Variants in DVL3 observed in about 807,000 individuals in gnomAD.
DVL3 encodes segment polarity protein dishevelled homolog DVL-3.
In DVL3, 27 loss-of-function variants were observed where a neutral mutation model predicts 67.4. The ratio of observed to expected loss-of-function variants is 0.40; its 90% CI spans 0.30 to 0.55. The LOEUF is 0.55. Among genes scored for constraint, DVL3 ranks in the 20% least tolerant of loss-of-function variants. DVL3 has a pLI of 0.46. For synonymous variants in DVL3, 369 were observed against 396.8 expected (o/e 0.93, Z 0.83); for missense variants, 819 against 1,021.5 (o/e 0.80, Z 2.70).
chr3:184,166,442 C>T lies in DVL3; in HGVS notation c.904-4C>T. 1 of 1,614,146 alleles carries T rather than the reference C, an allele frequency of 6.2e-7. No individual in the cohort carries two copies. The highest frequency in any genetic ancestry group is 1.6e-4 in the Middle Eastern group (1 of 6,062). ...TGTTTATCCCACTCCTGGTCCTTTC[C>T]CAGGTAAACGAGATCAACTTTGAGA... On this transcript the variant is annotated splice_region_variant and splice_polypyrimidine_tract_variant and intron_variant, in intron 8 of 14. Transcript: ENST00000313143. This position sits in a 1 kb window ranked among gnomAD's most constrained non-coding sequence, Gnocchi z 6.7.
chr3:184,164,210 A>G lies in DVL3; in HGVS notation c.232-57A>G. On this transcript the variant is annotated intron_variant, in intron 2 of 14. Coordinates refer to ENST00000313143, the MANE Select transcript of DVL3 (RefSeq NM_004423.4). This position sits in a 1 kb window ranked among gnomAD's most constrained non-coding sequence, Gnocchi z 5.3. ...CTTCATGCCTTGCTGGAAGTGAACTATCCCCTTCTCCTTGATGCTCCTGTA... is the reference window on the plus strand; with the variant it reads ...CTTCATGCCTTGCTGGAAGTGAACTGTCCCCTTCTCCTTGATGCTCCTGTA... The G allele has an allele frequency of 6.3e-7, 1 of 1,588,382 alleles. No homozygotes were observed. Among genetic ancestry groups the G allele is most frequent in the South Asian group, 1.1e-5 (1 of 87,964 alleles).
intron 1 of DVL3, chr3:184,157,175 TTGTC>T (rs1227122696): frequency 6.6e-6 from 1 of 152,532 alleles, no homozygotes; most frequent in East Asian, 1.9e-4. Context: ...GTGATAATGA[TTGTC>T]TGCCTTCAGC....
chr3:184,161,674 C>T (rs987498399), intron 1 of DVL3, among the ~76,000 whole-genome samples: 3 of 152,170 alleles, frequency 2.0e-5, no homozygotes, highest in Non-Finnish European at 4.4e-5. Flanking sequence ...CTACATGCTC[C>T]GTGACCACAT....
At position 184,164,391 on chromosome 3, in the gene DVL3, G is replaced by A. The variant is rs370231258; in HGVS notation, c.353+3G>A. The A allele has an allele frequency of 3.7e-6, 6 of 1,613,174 alleles. No individual in the cohort carries two copies. Among genetic ancestry groups the A allele is most frequent in the East Asian group, 2.2e-5 (1 of 44,864 alleles). Reference sequence around the variant, plus strand: ...GACTCCCGACCCCCATCCTTCCAGTGAGTGTGACCTGAGGGTGGGGAGGGC... The same window carrying A: ...GACTCCCGACCCCCATCCTTCCAGTAAGTGTGACCTGAGGGTGGGGAGGGC... On this transcript the variant is annotated splice_donor_region_variant and intron_variant, in intron 3 of 14. Coordinates refer to ENST00000313143, the MANE Select transcript of DVL3 (RefSeq NM_004423.4). This position sits in a 1 kb window ranked among gnomAD's most constrained non-coding sequence, Gnocchi z 5.3.
Position 184,170,504 on chromosome 3 carries a change from C to T in DVL3, c.1900C>T (p.His634Tyr), listed in dbSNP as rs991564454. The T allele has an allele frequency of 1.2e-6, 2 of 1,603,588 alleles. No individual in the cohort carries two copies. Residue 634 changes from histidine to tyrosine, a missense_variant, in exon 15 of 15, where the codon CAC becomes TAC. His to Tyr is a moderately conservative substitution (Grantham distance 83, BLOSUM62 2). Around this residue, in one of 3 missense-constraint regions of DVL3, gnomAD observed 324 missense variants for 331.3 expected, o/e 0.98. Coordinates refer to ENST00000313143, the MANE Select transcript of DVL3 (RefSeq NM_004423.4). This position sits in a 1 kb window ranked among gnomAD's most constrained non-coding sequence, Gnocchi z 6.5. Reference protein sequence around the residue: ...RSGPAASEHSHRSHHSLASSL... With the variant: ...RSGPAASEHSYRSHHSLASSL... The stretch of plus-strand genomic sequence containing the variant: ...AGGGCCGGCGGCCAGCGAGCACAGC[C>T]ACCGCAGCCACCATTCCCTGGCCAG...
intron 1 of DVL3, among the ~76,000 whole-genome samples, chr3:184,156,053 G>T (rs949934014): frequency 2.0e-5 from 3 of 152,058 alleles, no homozygotes; most frequent in Admixed American, 2.0e-4. Context: ...CTGCCGGTGC[G>T]GTCCCCTTAC....
chr3:184,159,688 C>CTG (rs1418000985), intron 1 of DVL3, among the ~76,000 whole-genome samples: 1 of 151,786 alleles, frequency 6.6e-6, no homozygotes, highest in Admixed American at 6.6e-5. Flanking sequence ...ATCCTGACAC[C>CTG]TGTGTAACAC....
chr3:184,159,657 C>T (rs1456247782), intron 1 of DVL3, among the ~76,000 whole-genome samples: 1 of 151,156 alleles, frequency 6.6e-6, no homozygotes, highest in Non-Finnish European at 1.5e-5. Context: ...AGCCACCGTG[C>T]CTGGTATATT....
chr3:184,164,486 C>T lies in DVL3; in HGVS notation c.354-6C>T, dbSNP rs1714494418. ...CCCCCTCCCCCATCAAGTCTCTTCC[C>T]TGCAGCCCTCATGCTGGTGGGGGCA... On this transcript the variant is annotated splice_polypyrimidine_tract_variant and splice_region_variant and intron_variant, in intron 3 of 14. Coordinates refer to ENST00000313143, the MANE Select transcript of DVL3 (RefSeq NM_004423.4). This position sits in a 1 kb window ranked among gnomAD's most constrained non-coding sequence, Gnocchi z 5.3. The T allele has an allele frequency of 2.5e-6, 4 of 1,599,898 alleles. No homozygotes were observed. The highest frequency in any genetic ancestry group is 3.4e-6 in the Non-Finnish European group (4 of 1,173,312).
At position 184,172,624 on chromosome 3, in the gene DVL3, C is replaced by T. The variant is rs1416618364; in HGVS notation, c.*1869C>T. The T allele has an allele frequency of 6.6e-6, 1 of 152,220 alleles. No homozygotes were observed. Among genetic ancestry groups the T allele is most frequent in the African/African-American group, 2.4e-5 (1 of 41,450 alleles). The allele number at this position is 152,220 out of a possible 1,614,324, so 9.4% of individuals were successfully genotyped here. ...TGGCACCTGCCTGTAATCTCAGCTA[C>T]TCAGGAGGCTGAGGCACAAGAATCG... On this transcript the variant is annotated 3_prime_UTR_variant, in exon 15 of 15. Transcript: ENST00000313143.
In DVL3 at chr3:184,167,740, G is replaced by A. The variant is rs753529490; in HGVS notation, c.1330+29G>A. 6.9e-6 allele frequency: 11 copies of A among 1,599,104 alleles called. No homozygotes were observed. In the South Asian group the frequency reaches 8.0e-5, roughly 12 times the overall value. The stretch of plus-strand genomic sequence containing the variant: ...AGAGAGCCCCATGGTGGGATGCAGG[G>A]TGGGTGGGGAGTGATGGGGCAGGGC... On this transcript the variant is annotated intron_variant, in intron 12 of 14. Transcript: ENST00000313143. The surrounding 1 kb of genome is among the most constrained non-coding windows in gnomAD (Gnocchi z 4.6).
At position 184,159,366 on chromosome 3, in the gene DVL3, CT is replaced by C. The variant is rs1274200600; in HGVS notation, c.161+3585del. The stretch of plus-strand genomic sequence containing the variant: ...TGTCATGGCACTCTCTTATTTTATC[CT>C]TTTTTTTTTTTTTTGAGATGGAGCC... On this transcript the variant is annotated intron_variant, in intron 1 of 14. Transcript: ENST00000313143. Among the ~76,000 whole-genome samples the C allele has an allele frequency of 1.6e-3, 143 of 87,776 alleles. 5 individuals are homozygous for C. The highest frequency in any genetic ancestry group is 1.7e-3 in the Admixed American group (16 of 9,532). The allele number at this position is 87,776 out of a possible 152,430, so 57.6% of individuals were successfully genotyped here.
Position 184,166,742 on chromosome 3 carries a change from T to C in DVL3, c.1048+69T>C. The stretch of plus-strand genomic sequence containing the variant: ...CATGAGCACTGTCTCTCCTTTCTTC[T>C]CTCACCCAGAACCCCCATATCTATC... On this transcript the variant is annotated intron_variant, in intron 10 of 14. Transcript: ENST00000313143. The surrounding 1 kb of genome is among the most constrained non-coding windows in gnomAD (Gnocchi z 6.7). The C allele has an allele frequency of 6.2e-7, 1 of 1,612,610 alleles. No homozygotes were observed. The highest frequency in any genetic ancestry group is 8.5e-7 in the Non-Finnish European group (1 of 1,179,198).
chr3:184,155,600 G>C lies in DVL3; in HGVS notation c.-36G>C. ...GAGGCTCGGCCCGGCCGCCCGAGCAGGCCGCGCGCGGGCCGCCGGGCCCGA... is the reference window on the plus strand; with the variant it reads ...GAGGCTCGGCCCGGCCGCCCGAGCACGCCGCGCGCGGGCCGCCGGGCCCGA... On this transcript the variant is annotated 5_prime_UTR_variant, in exon 1 of 15. Coordinates refer to ENST00000313143, the MANE Select transcript of DVL3 (RefSeq NM_004423.4). This position sits in a 1 kb window ranked among gnomAD's most constrained non-coding sequence, Gnocchi z 5.4. The C allele has an allele frequency of 1.6e-6, 2 of 1,224,556 alleles. No homozygotes were observed. Among genetic ancestry groups the C allele is most frequent in the Non-Finnish European group, 2.1e-6 (2 of 971,944 alleles). The allele number at this position is 1,224,556 out of a possible 1,614,324, so 75.9% of individuals were successfully genotyped here. A position where few individuals can be genotyped will look rare whatever the true frequency, so the allele number is the denominator to read the frequency against.
chr3:184,163,815 T>C lies in DVL3; in HGVS notation c.231+89T>C, dbSNP rs1714465554. 8.8e-7 allele frequency: 1 copy of C among 1,139,634 alleles called. No homozygotes were observed. Among genetic ancestry groups the C allele is most frequent in the Admixed American group, 1.9e-5 (1 of 53,336 alleles). The allele number at this position is 1,139,634 out of a possible 1,614,324, so 70.6% of individuals were successfully genotyped here. ...TCACTGAGATTGTAGCTGGTGGTTT[T>C]AAGCTTCAGTATCTGAATCTTTCTT... On this transcript the variant is annotated intron_variant, in intron 2 of 14. Transcript: ENST00000313143. The surrounding 1 kb of genome is among the most constrained non-coding windows in gnomAD (Gnocchi z 4.5).
chr3:184,158,380 T>G (rs1461702491), intron 1 of DVL3, among the ~76,000 whole-genome samples: 2 of 151,856 alleles, frequency 1.3e-5, no homozygotes, highest in East Asian at 3.9e-4. Context: ...TTAAGTAACT[T>G]GCCTAAGGTC....
Position 184,172,804 on chromosome 3 carries a change from C to T in DVL3, c.*2049C>T, listed in dbSNP as rs1381843945. 2.6e-5 allele frequency: 4 copies of T among 152,240 alleles called. No homozygotes were observed. Among genetic ancestry groups the T allele is most frequent in the Non-Finnish European group, 5.9e-5 (4 of 68,064 alleles). 9.4% of individuals were successfully genotyped at this position (152,240 alleles called of 1,614,324 possible). A position where few individuals can be genotyped will look rare whatever the true frequency, so the allele number is the denominator to read the frequency against. Reference sequence around the variant, plus strand: ...AGAGGGCTTTGTTGGAAGTGTGACTCAATCTTGCCTGCCTTCTGGGAGCTC... The same window carrying T: ...AGAGGGCTTTGTTGGAAGTGTGACTTAATCTTGCCTGCCTTCTGGGAGCTC... On this transcript the variant is annotated 3_prime_UTR_variant, in exon 15 of 15. Transcript: ENST00000313143.
Position 184,171,041 on chromosome 3 carries a change from C to A in DVL3, c.*286C>A. 7.4e-7 allele frequency: 1 copy of A among 1,358,112 alleles called. No homozygotes were observed. Among genetic ancestry groups the A allele is most frequent in the Non-Finnish European group, 9.6e-7 (1 of 1,044,780 alleles). The allele number at this position is 1,358,112 out of a possible 1,614,324, so 84.1% of individuals were successfully genotyped here. ...GTCTCTGGGACCAGACTTGTTGGTG[C>A]TACCCCTTACTCCCCTCTGCAACCC... On this transcript the variant is annotated 3_prime_UTR_variant, in exon 15 of 15. Coordinates refer to ENST00000313143, the MANE Select transcript of DVL3 (RefSeq NM_004423.4).
Position 184,172,415 on chromosome 3 carries a change from A to G in DVL3, c.*1660A>G, listed in dbSNP as rs777811082. ...GGTTTTGGGGTAAACCAAGGTAGGA[A>G]CATTTTGGCATTTATTTCAATTAAC... is the stretch of plus-strand genomic sequence containing the variant. On this transcript the variant is annotated 3_prime_UTR_variant, in exon 15 of 15. Transcript: ENST00000313143. 5.9e-5 allele frequency: 9 copies of G among 152,164 alleles called. No individual in the cohort carries two copies. Among genetic ancestry groups the G allele is most frequent in the Non-Finnish European group, 1.3e-4 (9 of 68,042 alleles). 9.4% of individuals were successfully genotyped at this position (152,164 alleles called of 1,614,324 possible).
Sources: allele counts gnomAD v4.1 joint callset (sites outside exome capture counted in the v4.1 genomes callset), GRCh38; gene constraint gnomAD v4.1.1; regional missense constraint gnomAD v4.1.1; non-coding constraint Gnocchi (gnomAD v3.1); transcripts MANE v1.5; gene names NCBI Gene and HGNC (gene_info 2026-07-23, HGNC 2026-07-21).